The following OMA1 variants were observed in gnomAD, a reference collection of about 807,000 sequenced individuals.
The protein encoded by OMA1 is metalloendopeptidase OMA1, mitochondrial.
OMA1 carries 38 observed loss-of-function variants against 30.9 expected under a neutral mutation model. The observed-to-expected ratio is 1.23, with a 90% CI of 0.95 to 1.61. The LOEUF (loss-of-function observed/expected upper bound fraction) is 1.61, where lower values mean the gene tolerates loss of function less well. Among genes scored for constraint, OMA1 ranks in the 40% most tolerant of loss-of-function variants. The pLI is 0.00. For synonymous variants in OMA1, 173 were observed against 121.9 expected (o/e 1.42, Z -2.76); for missense variants, 461 against 349.2 (o/e 1.32, Z -2.55).
chr1:58,516,259 T>C (rs1350142432), intron 7 of OMA1, among the ~76,000 whole-genome samples: 1 of 152,240 alleles, frequency 6.6e-6, no homozygotes, highest in Non-Finnish European at 1.5e-5. Context: ...AATATCAGTT[T>C]TCTTTTCCAA....
intron 7 of OMA1, among the ~76,000 whole-genome samples, chr1:58,510,247 C>G (rs1470095487): frequency 6.6e-6 from 1 of 151,942 alleles, no homozygotes; most frequent in African/African-American, 2.4e-5. Context: ...TACTAGCAAG[C>G]CAAATTCAAG....
chr1:58,480,828 G>T lies in OMA1; in HGVS notation c.*137C>A, dbSNP rs532407233. ...GAAAAATAAATTCTAGAAGAATTTAGATAATATCTGTAATGTACATGATTT... is the reference window on the plus strand; with the variant it reads ...GAAAAATAAATTCTAGAAGAATTTATATAATATCTGTAATGTACATGATTT... On this transcript the variant is annotated 3_prime_UTR_variant, in exon 9 of 9. Transcript: ENST00000371226. 428 of 542,038 alleles carry T rather than the reference G, an allele frequency of 7.9e-4. 1 individual carries two copies. Among genetic ancestry groups the T allele is most frequent in the Non-Finnish European group, 1.1e-3 (359 of 324,088 alleles). 33.6% of individuals were successfully genotyped at this position (542,038 alleles called of 1,614,324 possible).
At chr1:58,482,609 A>G (rs1445167422) in intron 8 of OMA1, among the ~76,000 whole-genome samples, 1 of 152,160 alleles carries the variant, frequency 6.6e-6, no homozygotes, top group Non-Finnish European at 1.5e-5. Context: ...TAAAGGAGAC[A>G]GTGTTTGAGG....
At chr1:58,530,029 C>T (rs1194281337) in intron 6 of OMA1, among the ~76,000 whole-genome samples, 2 of 152,062 alleles carry the variant, frequency 1.3e-5, no homozygotes, top group Non-Finnish European at 2.9e-5. Flanking sequence ...TACAGGCGCC[C>T]GCCACAACGC....
intron 8 of OMA1, among the ~76,000 whole-genome samples, chr1:58,504,960 C>CTT (rs879552920): frequency 2.1e-5 from 3 of 146,166 alleles, no homozygotes; most frequent in Non-Finnish European, 1.5e-5. Flanking sequence ...AAAGATACTT[C>CTT]TTTTTTTTTT....
chr1:58,493,859 T>C (rs954667100), intron 8 of OMA1, among the ~76,000 whole-genome samples: 5 of 151,704 alleles, frequency 3.3e-5, no homozygotes, highest in African/African-American at 1.2e-4. Context: ...AATTTATAGA[T>C]TCAATGCCAT....
chr1:58,503,480 A>T (rs1398316551), intron 8 of OMA1, among the ~76,000 whole-genome samples: 5 of 152,112 alleles, frequency 3.3e-5, no homozygotes. Flanking sequence ...TCTAGTTAAG[A>T]TAGCTGCTGA....
chr1:58,501,616 A>C (rs1438623504), intron 8 of OMA1, among the ~76,000 whole-genome samples: 1 of 151,848 alleles, frequency 6.6e-6, no homozygotes, highest in African/African-American at 2.4e-5. Context: ...TGGTTCCTTC[A>C]CTTATTTCAA....
chr1:58,520,193 G>A (rs1646240537), intron 7 of OMA1, among the ~76,000 whole-genome samples: 2 of 151,980 alleles, frequency 1.3e-5, no homozygotes, highest in African/African-American at 4.8e-5. Flanking sequence ...CCAAATCTTA[G>A]CAACGTGCAA....
chr1:58,506,785 C>T (rs914468243), intron 7 of OMA1, among the ~76,000 whole-genome samples: 1 of 152,100 alleles, frequency 6.6e-6, no homozygotes, highest in Non-Finnish European at 1.5e-5. Flanking sequence ...AAAGAGATGA[C>T]ATGTTTATTA....
At chr1:58,529,259 C>G (rs1446809410) in intron 6 of OMA1, among the ~76,000 whole-genome samples, 2 of 151,998 alleles carry the variant, frequency 1.3e-5, no homozygotes, top group East Asian at 3.9e-4. Flanking sequence ...TAAACAGCAC[C>G]CAGATGGCAC....
At chr1:58,506,742 T>C (rs1645995894) in intron 7 of OMA1, among the ~76,000 whole-genome samples, 1 of 152,172 alleles carries the variant, frequency 6.6e-6, no homozygotes, top group Non-Finnish European at 1.5e-5. Context: ...TCTATGCCAC[T>C]AGAACAATCA....
intron 7 of OMA1, among the ~76,000 whole-genome samples, chr1:58,507,853 T>G (rs1364206572): frequency 6.6e-6 from 1 of 152,098 alleles, no homozygotes; most frequent in African/African-American, 2.4e-5. Flanking sequence ...CTCAAATAAT[T>G]CATAAAAATA....
chr1:58,492,467 G>A (rs1645714422), intron 8 of OMA1, among the ~76,000 whole-genome samples: 1 of 152,116 alleles, frequency 6.6e-6, no homozygotes, highest in South Asian at 2.1e-4. Flanking sequence ...AAAAATCAAT[G>A]AATCCAGGAG....
rs147531171 is a variant in OMA1, at chr1:58,505,853, C to A, written c.1365+207G>T. ...AACCTTCACTATTAAGAAAAGTCAA[C>A]TGTACATAGTAATTTATTCTCCAAG... On this transcript the variant is annotated intron_variant, in intron 8 of 8. Coordinates refer to ENST00000371226, the MANE Select transcript of OMA1 (RefSeq NM_145243.5). Among the ~76,000 whole-genome samples, 793 of 152,248 alleles carry A rather than the reference C, an allele frequency of 5.2e-3. 10 individuals carry two copies. The highest frequency in any genetic ancestry group is 0.018 in the African/African-American group (742 of 41,534).
rs17117658 is a variant in OMA1 at position 58,531,589 on chromosome 1, C to G, written c.1012-860G>C. Among the ~76,000 whole-genome samples, 962 of 152,282 alleles carry G rather than the reference C, an allele frequency of 6.3e-3. 3 individuals carry two copies. The highest frequency in any genetic ancestry group is 0.019 in the African/African-American group (777 of 41,570). On this transcript the variant is annotated intron_variant, in intron 5 of 8. Transcript: ENST00000371226. ...ATGAAAAATGACTGAAAACTAAAAA[C>G]TGACTTAGAATATTGTCCCTTAACA...
At chr1:58,532,196 A>T (rs1350919542) in intron 5 of OMA1, among the ~76,000 whole-genome samples, 1 of 152,130 alleles carries the variant, frequency 6.6e-6, no homozygotes, top group East Asian at 1.9e-4. Context: ...CAAAACTGAG[A>T]CTCCCAAAAG....
chr1:58,506,258 T>G, intron 7 of OMA1, 49 bp from the exon 8 acceptor site: 1 of 809,656 alleles, frequency 1.2e-6, no homozygotes, highest in Non-Finnish European at 2.1e-6. Flanking sequence ...TTTTGAGGAT[T>G]TTTTAAAAAC....
At chr1:58,492,236 A>AC (rs1487017003) in intron 8 of OMA1, among the ~76,000 whole-genome samples, 10 of 152,230 alleles carry the variant, frequency 6.6e-5, no homozygotes, top group Non-Finnish European at 1.3e-4. Context: ...GACACAACAT[A>AC]CCAGAATCTC....
Sources: gnomAD v4.1 joint callset for allele counts (sites outside exome capture counted in the v4.1 genomes callset) on GRCh38, gnomAD v4.1.1 for gene constraint, MANE v1.5 for transcripts, NCBI Gene and HGNC (gene_info 2026-07-23, HGNC 2026-07-21) for gene names.